ANXA8: variants seen among roughly 807,000 people sequenced by gnomAD.
The protein encoded by ANXA8 is VAC-beta.
Under a neutral mutation model 26.8 loss-of-function variants are expected in ANXA8, and 9 were observed. The observed-to-expected ratio is 0.34, with a 90% CI of 0.20 to 0.59. The LOEUF (loss-of-function observed/expected upper bound fraction) is 0.59. Among genes scored for constraint, ANXA8 ranks in the 20% least tolerant of loss-of-function variants. The pLI is 0.84. For missense variants in ANXA8, 83 were observed against 238.5 expected (o/e 0.35, Z 4.29); for synonymous variants, 39 against 94.8 (o/e 0.41, Z 3.42).
At chr10:47,667,830 TGG>T in the ANXA8 span, among the ~76,000 whole-genome samples, 1 of 151,982 alleles carries the variant, frequency 6.6e-6, no homozygotes, top group Non-Finnish European at 1.5e-5. Flanking sequence ...CTCCGCCTAC[TGG>T]GTTCAAGCCA....
At chr10:47,554,546 C>G in the ANXA8 span, among the ~76,000 whole-genome samples, 1 of 150,808 alleles carries the variant, frequency 6.6e-6, no homozygotes, top group African/African-American at 2.5e-5. Context: ...CATCTAATCC[C>G]CAGCCCAGCT....
chr10:47,567,725 G>A, the ANXA8 span, among the ~76,000 whole-genome samples: 1 of 145,458 alleles, frequency 6.9e-6, no homozygotes, highest in African/African-American at 2.6e-5. Flanking sequence ...TTATTATTAT[G>A]TTTTATATAT....
the ANXA8 span, among the ~76,000 whole-genome samples, chr10:47,658,104 C>G: frequency 1.5e-4 from 23 of 151,894 alleles, no homozygotes; most frequent in African/African-American, 5.6e-4. Context: ...GTGCCGGTGG[C>G]TCACGCCTGT....
the ANXA8 span, among the ~76,000 whole-genome samples, chr10:47,674,443 A>G: frequency 1.3e-5 from 2 of 151,528 alleles, no homozygotes; most frequent in African/African-American, 4.9e-5. Context: ...TACCATTTTC[A>G]TCACATCATA....
upstream of ANXA8, chr10:47,487,330 G>C: frequency 5.1e-6 from 4 of 788,832 alleles, no homozygotes; most frequent in Non-Finnish European, 7.8e-6. Flanking sequence ...ATTTGTGACT[G>C]TGTTGGTCAC....
the ANXA8 span, chr10:47,706,725 T>C: frequency 6.8e-7 from 1 of 1,477,990 alleles, no homozygotes; most frequent in Non-Finnish European, 9.3e-7. Flanking sequence ...CGGGGGCAGC[T>C]TCACAAGGCA....
the ANXA8 span, among the ~76,000 whole-genome samples, chr10:47,740,402 G>A: frequency 7.2e-6 from 1 of 138,970 alleles, no homozygotes; most frequent in African/African-American, 2.7e-5. Context: ...CAGGTCTTAA[G>A]TGTACAATTT....
chr10:47,730,704 AG>A, the ANXA8 span, among the ~76,000 whole-genome samples: 1 of 146,194 alleles, frequency 6.8e-6, no homozygotes, highest in East Asian at 2.0e-4. Flanking sequence ...TGGGAATTAA[AG>A]GTTTGCCCAT....
At chr10:47,958,478 CAAA>C in the ANXA8 span, among the ~76,000 whole-genome samples, 1 of 122,362 alleles carries the variant, frequency 8.2e-6, no homozygotes, top group Admixed American at 8.1e-5. Flanking sequence ...GGTTCTGTCT[CAAA>C]AAAAAAAAAG....
chr10:47,606,216 C>T, the ANXA8 span, among the ~76,000 whole-genome samples: 2 of 145,562 alleles, frequency 1.4e-5, no homozygotes, highest in African/African-American at 5.4e-5. Flanking sequence ...ATAAACCACA[C>T]TTTAAGCAAG....
At chr10:47,552,375 A>G in the ANXA8 span, among the ~76,000 whole-genome samples, 1 of 151,512 alleles carries the variant, frequency 6.6e-6, no homozygotes, top group Non-Finnish European at 1.5e-5. Context: ...ACCATACTGG[A>G]CAGCTCAGAC....
At chr10:47,580,525 C>T in the ANXA8 span, among the ~76,000 whole-genome samples, 1 of 150,830 alleles carries the variant, frequency 6.6e-6, no homozygotes, top group African/African-American at 2.5e-5. Context: ...CACTTGACCC[C>T]AGAAGTTCAA....
the ANXA8 span, among the ~76,000 whole-genome samples, chr10:47,655,612 G>A: frequency 2.0e-5 from 3 of 151,892 alleles, no homozygotes; most frequent in Non-Finnish European, 2.9e-5. Context: ...AAGATTGAAC[G>A]GGAGGAGCAG....
chr10:47,777,393 T>A, the ANXA8 span, among the ~76,000 whole-genome samples: 2 of 151,970 alleles, frequency 1.3e-5, no homozygotes, highest in East Asian at 3.9e-4. Flanking sequence ...GCTCAAGCAA[T>A]CCTCCCATCT....
chr10:47,559,029 C>T, the ANXA8 span, among the ~76,000 whole-genome samples: 3 of 151,506 alleles, frequency 2.0e-5, no homozygotes, highest in Non-Finnish European at 4.4e-5. Flanking sequence ...TAAGCTTTCC[C>T]TGCCTTTCAG....
chr10:47,940,390 G>C, the ANXA8 span, among the ~76,000 whole-genome samples: 1 of 146,842 alleles, frequency 6.8e-6, no homozygotes, highest in Non-Finnish European at 1.5e-5. Flanking sequence ...GGAGGTGCTA[G>C]GCCAGCGAGC....
At chr10:47,937,110 G>A in the ANXA8 span, among the ~76,000 whole-genome samples, 7 of 149,678 alleles carry the variant, frequency 4.7e-5, no homozygotes, top group Admixed American at 1.3e-4. Context: ...TCCTCCTCTC[G>A]CCGCCCAGAT....
At chr10:47,549,077 G>T in the ANXA8 span, among the ~76,000 whole-genome samples, 1 of 152,080 alleles carries the variant, frequency 6.6e-6, no homozygotes, top group Non-Finnish European at 1.5e-5. Flanking sequence ...TTTGCTTTTA[G>T]ATTTTGGAAC....
chr10:47,976,544 T>TACACACACAC, the ANXA8 span, among the ~76,000 whole-genome samples: 5 of 132,212 alleles, frequency 3.8e-5, no homozygotes, highest in East Asian at 2.3e-4. Flanking sequence ...CCTCTGTCTT[T>TACACACACAC]ACACACACAC....
Sources: allele counts gnomAD v4.1 joint callset (sites outside exome capture counted in the v4.1 genomes callset), GRCh38; gene constraint gnomAD v4.1.1; transcripts MANE v1.5; gene names NCBI Gene and HGNC (gene_info 2026-07-23, HGNC 2026-07-21).